Variants in MIAT observed in about 807,000 individuals in gnomAD.
MIAT encodes the protein MI related novel mRNA.
exon 5 of MIAT, chr22:26,676,168 T>C: frequency 2.6e-6 from 1 of 379,528 alleles, no homozygotes; most frequent in Non-Finnish European, 4.5e-6. Context: ...CTGGTGTAAA[T>C]GGTGACATGT....
exon 2 of MIAT, chr22:26,647,302 C>G (rs1037770981): frequency 9.1e-6 from 3 of 328,592 alleles, no homozygotes; most frequent in Non-Finnish European, 1.6e-5. Context: ...TGCTGGGATG[C>G]GACAAAAAAG....
intron 2 of MIAT, among the ~76,000 whole-genome samples, chr22:26,662,140 A>G (rs1930700489): frequency 6.6e-6 from 1 of 151,718 alleles, no homozygotes; most frequent in Non-Finnish European, 1.5e-5. Flanking sequence ...AATTTTTTGT[A>G]GAGGCAGAGC....
downstream of MIAT, chr22:26,673,842 C>T: frequency 2.5e-6 from 1 of 398,666 alleles, no homozygotes; most frequent in Non-Finnish European, 4.4e-6. Context: ...AGCAGTGGTA[C>T]CCACCAAGGT....
At chr22:26,673,912 C>T, downstream of MIAT, 2 of 398,662 alleles carry the variant, frequency 5.0e-6, no homozygotes, top group Non-Finnish European at 8.8e-6. Flanking sequence ...CTTCACTCCT[C>T]ATAGTCTGCA....
rs371697872 is a variant in MIAT at position 26,666,476 on chromosome 22, A to T, written n.1675A>T. The T allele has an allele frequency of 7.0e-4, 279 of 398,624 alleles. 7 individuals carry two copies. The South Asian group carries it at 0.032, about 46-fold the overall frequency. 24.7% of individuals were successfully genotyped at this position (398,624 alleles called of 1,614,324 possible). A position where few individuals can be genotyped will look rare whatever the true frequency, so the allele number is the denominator to read the frequency against. Reference sequence around the variant, plus strand: ...GGGTGATTACCGTGCACCTTGAGTGAATGTCAAGGCAGGAAGGGTTCCAGG... The same window carrying T: ...GGGTGATTACCGTGCACCTTGAGTGTATGTCAAGGCAGGAAGGGTTCCAGG... On this transcript the variant is annotated non_coding_transcript_exon_variant, in exon 4 of 6. Transcript: ENST00000643270.
chr22:26,657,548 G>C (rs1930507639), intron 2 of MIAT: 1 of 398,784 alleles, frequency 2.5e-6, no homozygotes, highest in Non-Finnish European at 4.4e-6. Flanking sequence ...ACGAGTGCGG[G>C]GAGGAGTTTG....
chr22:26,667,214 G>A (rs749469415), exon 5 of MIAT: 6 of 398,556 alleles, frequency 1.5e-5, no homozygotes, highest in Non-Finnish European at 2.7e-5. Flanking sequence ...ACTTCTCTGA[G>A]CCAGATGCTG....
chr22:26,657,324 C>A, intron 2 of MIAT: 1 of 395,852 alleles, frequency 2.5e-6, no homozygotes. Flanking sequence ...CCGGTTGCAC[C>A]CCGCTTTCCT....
intron 2 of MIAT, among the ~76,000 whole-genome samples, chr22:26,659,414 A>G (rs1180643037): frequency 6.6e-6 from 1 of 152,206 alleles, no homozygotes; most frequent in Non-Finnish European, 1.5e-5. Flanking sequence ...CTGTTCTGAA[A>G]TCTACTCATT....
chr22:26,660,563 C>A (rs892760927), intron 2 of MIAT: 1 of 151,724 alleles, frequency 6.6e-6, no homozygotes, highest in Admixed American at 6.6e-5. Flanking sequence ...CATGTTATTA[C>A]GACCTTTGCA....
At chr22:26,670,454 A>T, downstream of MIAT, 1 of 398,280 alleles carries the variant, frequency 2.5e-6, no homozygotes, top group Non-Finnish European at 4.4e-6. Flanking sequence ...TGGTAGAGAG[A>T]CCCCAGAGAG....
intron 5 of MIAT, chr22:26,667,318 C>G: frequency 2.6e-6 from 1 of 384,050 alleles, no homozygotes; most frequent in Non-Finnish European, 4.5e-6. Context: ...GGGGTGAGCT[C>G]CTCGTCCTGG....
intron 2 of MIAT, among the ~76,000 whole-genome samples, chr22:26,659,661 G>A (rs1255985987): frequency 1.3e-5 from 2 of 151,624 alleles, no homozygotes; most frequent in Non-Finnish European, 2.9e-5. Flanking sequence ...AACATGGTGA[G>A]ACCCCTGTCT....
At chr22:26,652,380 G>A (rs755082721) in intron 2 of MIAT, among the ~76,000 whole-genome samples, 4 of 149,330 alleles carry the variant, frequency 2.7e-5, no homozygotes, top group African/African-American at 4.9e-5. Flanking sequence ...TTTTTGAGAC[G>A]GAGTCTCACT....
At chr22:26,651,927 C>T (rs1318009239) in intron 2 of MIAT, among the ~76,000 whole-genome samples, 1 of 152,200 alleles carries the variant, frequency 6.6e-6, no homozygotes, top group African/African-American at 2.4e-5. Context: ...TGAATGTACT[C>T]AGGGCCACTG....
intron 2 of MIAT, chr22:26,658,293 A>G (rs1303277148): frequency 6.6e-6 from 1 of 152,232 alleles, no homozygotes; most frequent in Non-Finnish European, 1.5e-5. Context: ...CTACGCAGGG[A>G]CGTGCTTGGT....
At chr22:26,671,523 A>AC (rs887617676), downstream of MIAT, 9 of 395,816 alleles carry the variant, frequency 2.3e-5, no homozygotes, top group Non-Finnish European at 2.7e-5. Flanking sequence ...CCTACTAACC[A>AC]CCCCCCCGCA....
chr22:26,654,056 A>G (rs1425393550), intron 2 of MIAT, among the ~76,000 whole-genome samples: 3 of 152,148 alleles, frequency 2.0e-5, no homozygotes, highest in South Asian at 2.1e-4. Context: ...ACTTGACTTT[A>G]GCATAAAAAC....
intron 3 of MIAT, chr22:26,663,622 G>GAGGC (rs1930745849): frequency 2.6e-6 from 1 of 379,352 alleles, no homozygotes; most frequent in Non-Finnish European, 4.7e-6. Flanking sequence ...CTGAGATGAT[G>GAGGC]AGGCCCTGGT....
Sources: gnomAD v4.1 joint callset for allele counts (sites outside exome capture counted in the v4.1 genomes callset) on GRCh38, gnomAD v4.1.1 for gene constraint, MANE v1.5 for transcripts, NCBI Gene and HGNC (gene_info 2026-07-23, HGNC 2026-07-21) for gene names.